The following NREP variants were observed in gnomAD, a reference collection of about 807,000 sequenced individuals.
NREP encodes the protein neuronal regeneration related protein, also known as neuronal regeneration-related protein.
NREP carries 5 observed loss-of-function variants against 8.6 expected under a neutral mutation model. The observed-to-expected ratio is 0.58, with a 90% confidence interval of 0.30 to 1.22. NREP has a LOEUF of 1.22. Ranked by LOEUF, NREP falls within the 50% of genes most tolerant of loss-of-function variation. The pLI, the probability that NREP is intolerant of heterozygous loss-of-function variation, is 0.07. For synonymous variants in NREP, 27 were observed against 28.0 expected, an observed-to-expected ratio of 0.96 and a Z score of 0.11; for missense variants, 86 against 82.5, an observed-to-expected ratio of 1.04 and a Z score of -0.17.
chr5:111,739,160 T>C (rs1450565790), intron 2 of NREP: 1 of 152,244 alleles, frequency 6.6e-6, no homozygotes, highest in Non-Finnish European at 1.5e-5. Flanking sequence ...TCAAATGTAA[T>C]AGCTGCTGGA....
intron 2 of NREP, among the ~76,000 whole-genome samples, chr5:111,772,197 C>A (rs1187899719): frequency 6.6e-6 from 1 of 152,116 alleles, no homozygotes; most frequent in Non-Finnish European, 1.5e-5. Flanking sequence ...AAATGTGATT[C>A]TTTAGTTGCC....
At chr5:111,969,035 T>A (rs1045445032) in intron 2 of NREP, among the ~76,000 whole-genome samples, 2 of 152,168 alleles carry the variant, frequency 1.3e-5, no homozygotes, top group Admixed American at 6.5e-5. Flanking sequence ...ATAAAGGAAT[T>A]TGAAAATCTA....
intron 2 of NREP, among the ~76,000 whole-genome samples, chr5:111,851,171 A>C (rs1753299691): frequency 6.6e-6 from 1 of 152,188 alleles, no homozygotes; most frequent in South Asian, 2.1e-4. Context: ...GCCTACATTG[A>C]GGCATAGATA....
intron 2 of NREP, among the ~76,000 whole-genome samples, chr5:111,881,087 A>G (rs1438763560): frequency 6.6e-6 from 1 of 152,208 alleles, no homozygotes; most frequent in African/African-American, 2.4e-5. Context: ...GAAAGTGGTG[A>G]CAGACGGCAC....
chr5:111,904,239 G>A (rs990561784), intron 2 of NREP, among the ~76,000 whole-genome samples: 1 of 151,974 alleles, frequency 6.6e-6, no homozygotes, highest in African/African-American at 2.4e-5. Flanking sequence ...ATAGTTTAGG[G>A]TTCACTTTTG....
chr5:111,802,056 C>A (rs1752020565), intron 2 of NREP, among the ~76,000 whole-genome samples: 1 of 152,036 alleles, frequency 6.6e-6, no homozygotes, highest in Non-Finnish European at 1.5e-5. Context: ...AGACAGAGGG[C>A]CCAGCCATCT....
chr5:111,829,691 G>A, intron 2 of NREP, among the ~76,000 whole-genome samples: 1 of 152,100 alleles, frequency 6.6e-6, no homozygotes, highest in East Asian at 1.9e-4. Context: ...TCTCAGTCTA[G>A]ACTTTACCTG....
chr5:111,821,235 T>C (rs1752507158), intron 2 of NREP, among the ~76,000 whole-genome samples: 2 of 152,178 alleles, frequency 1.3e-5, no homozygotes, highest in African/African-American at 4.8e-5. Context: ...GCTTTCTTTG[T>C]TATATTATTT....
intron 2 of NREP, among the ~76,000 whole-genome samples, chr5:111,799,626 G>C (rs1043657720): frequency 3.9e-5 from 6 of 152,160 alleles, no homozygotes; most frequent in Non-Finnish European, 7.3e-5. Flanking sequence ...ATGTTTGCAT[G>C]AAAGTCTGAG....
chr5:111,886,487 A>C (rs946811939), intron 2 of NREP, among the ~76,000 whole-genome samples: 2,116 of 152,146 alleles, frequency 0.014, 47 homozygotes, highest in African/African-American at 0.048. Context: ...TACCCAAAGG[A>C]CTATAAATCA....
At chr5:111,817,212 T>C (rs904984687) in intron 2 of NREP, among the ~76,000 whole-genome samples, 3 of 152,216 alleles carry the variant, frequency 2.0e-5, no homozygotes, top group African/African-American at 4.8e-5. Context: ...AATTACGTTA[T>C]CTACAAATGA....
chr5:111,823,166 T>C (rs942065882), intron 2 of NREP, among the ~76,000 whole-genome samples: 7 of 152,134 alleles, frequency 4.6e-5, no homozygotes, highest in African/African-American at 1.7e-4. Flanking sequence ...TCAGGTTCTT[T>C]TCAATACCCA....
chr5:111,863,184 A>G (rs1753590734), intron 2 of NREP, among the ~76,000 whole-genome samples: 1 of 152,074 alleles, frequency 6.6e-6, no homozygotes, highest in African/African-American at 2.4e-5. Flanking sequence ...GTAGAGAGAG[A>G]GAAACATGAA....
At chr5:111,970,825 CAAAAA>C (rs33962098) in intron 2 of NREP, among the ~76,000 whole-genome samples, 1,773 of 53,594 alleles carry the variant, frequency 0.033, 20 homozygotes, top group Middle Eastern at 0.092. Context: ...GACTCCATCT[CAAAAA>C]AAAAAAAAAA....
At chr5:111,798,364 T>C (rs926816821) in intron 2 of NREP, among the ~76,000 whole-genome samples, 5 of 152,144 alleles carry the variant, frequency 3.3e-5, no homozygotes, top group Admixed American at 2.6e-4. Context: ...GCTTTTTTAA[T>C]TAGTTTTTAT....
chr5:111,860,403 A>G (rs1184445951), intron 2 of NREP, among the ~76,000 whole-genome samples: 1 of 152,154 alleles, frequency 6.6e-6, no homozygotes, highest in Non-Finnish European at 1.5e-5. Flanking sequence ...AATCCTAGAT[A>G]TCATCAGTTA....
chr5:111,787,568 A>C (rs989294617), intron 2 of NREP, among the ~76,000 whole-genome samples: 1 of 152,130 alleles, frequency 6.6e-6, no homozygotes, highest in East Asian at 1.9e-4. Flanking sequence ...TTTGCCACAG[A>C]AGGTGGAAAC....
intron 2 of NREP, among the ~76,000 whole-genome samples, chr5:111,796,157 T>C (rs1386009905): frequency 6.6e-6 from 1 of 152,190 alleles, no homozygotes; most frequent in Non-Finnish European, 1.5e-5. Context: ...CTGCATTACT[T>C]GGCTGGTGAC....
At chr5:111,826,382 T>C (rs1752627607) in intron 2 of NREP, among the ~76,000 whole-genome samples, 1 of 152,178 alleles carries the variant, frequency 6.6e-6, no homozygotes. Context: ...GTTTTGTTGT[T>C]TTGCTTTTGG....
Sources: gnomAD v4.1 joint callset for allele counts (sites outside exome capture counted in the v4.1 genomes callset) on GRCh38, gnomAD v4.1.1 for gene constraint, MANE v1.5 for transcripts, NCBI Gene and HGNC (gene_info 2026-07-23, HGNC 2026-07-21) for gene names.